OR1J2: variants seen among roughly 807,000 people sequenced by gnomAD.
The protein encoded by OR1J2 is olfactory receptor 1J2.
For synonymous variants in OR1J2, 142 were observed against 99.7 expected, an observed-to-expected ratio of 1.42 and a Z score of -2.52; for missense variants, 304 against 246.1, an observed-to-expected ratio of 1.24 and a Z score of -1.57.
At chr9:122,503,515 A>G in the OR1J2 span, among the ~76,000 whole-genome samples, 1 of 152,218 alleles carries the variant, frequency 6.6e-6, no homozygotes, top group Non-Finnish European at 1.5e-5. Context: ...TGTACACCAC[A>G]TTGGTGAAGG....
the OR1J2 span, among the ~76,000 whole-genome samples, chr9:122,484,567 A>G: frequency 6.6e-6 from 1 of 152,154 alleles, no homozygotes; most frequent in Middle Eastern, 3.2e-3. Context: ...CTCTTAGGCC[A>G]GGTAGTCAAA....
the OR1J2 span, among the ~76,000 whole-genome samples, chr9:122,577,458 G>GCAAA: frequency 6.6e-6 from 1 of 152,066 alleles, no homozygotes; most frequent in Non-Finnish European, 1.5e-5. Flanking sequence ...ATAAAAGAAG[G>GCAAA]CAAACACCTC....
chr9:122,536,326 T>C, the OR1J2 span, among the ~76,000 whole-genome samples: 6 of 152,226 alleles, frequency 3.9e-5, no homozygotes. Flanking sequence ...TTCAATGGCA[T>C]ATGACTTATC....
the OR1J2 span, among the ~76,000 whole-genome samples, chr9:122,575,375 A>T: frequency 6.6e-6 from 1 of 152,084 alleles, no homozygotes; most frequent in Non-Finnish European, 1.5e-5. Flanking sequence ...TTATAGATAC[A>T]GTTCTATCAA....
the OR1J2 span, among the ~76,000 whole-genome samples, chr9:122,555,740 T>C: frequency 6.6e-6 from 1 of 152,204 alleles, no homozygotes; most frequent in African/African-American, 2.4e-5. Flanking sequence ...TTTACTCTTT[T>C]AGAGCTGTTT....
At chr9:122,575,938 C>T in the OR1J2 span, among the ~76,000 whole-genome samples, 298 of 152,268 alleles carry the variant, frequency 2.0e-3, no homozygotes, top group Middle Eastern at 3.4e-3. Flanking sequence ...TTCTCTATCC[C>T]TGCATATTTC....
At chr9:122,518,946 G>A in the OR1J2 span, among the ~76,000 whole-genome samples, 4 of 152,110 alleles carry the variant, frequency 2.6e-5, no homozygotes, top group African/African-American at 9.7e-5. Context: ...CTACTCTCTT[G>A]GCGAATTATC....
chr9:122,485,957 TA>T, the OR1J2 span, among the ~76,000 whole-genome samples: 1 of 146,298 alleles, frequency 6.8e-6, no homozygotes, highest in Non-Finnish European at 1.5e-5. Flanking sequence ...TGTTCCCACA[TA>T]AGTTTTTTTT....
At chr9:122,463,353 A>G in the OR1J2 span, among the ~76,000 whole-genome samples, 1 of 151,890 alleles carries the variant, frequency 6.6e-6, no homozygotes, top group Non-Finnish European at 1.5e-5. Flanking sequence ...TGATTTCTTT[A>G]AGTTGGACTG....
the OR1J2 span, chr9:122,477,265 A>C: frequency 6.2e-7 from 1 of 1,614,094 alleles, no homozygotes; most frequent in Non-Finnish European, 8.5e-7. Context: ...GGTGACCCCA[A>C]TGTGACCATA....
At chr9:122,502,495 C>T in the OR1J2 span, among the ~76,000 whole-genome samples, 1 of 152,154 alleles carries the variant, frequency 6.6e-6, no homozygotes, top group Non-Finnish European at 1.5e-5. Context: ...ACCTTCATCT[C>T]TGAGGATGCT....
the OR1J2 span, among the ~76,000 whole-genome samples, chr9:122,563,365 C>T: frequency 0.58 from 88,373 of 151,964 alleles, 26,204 homozygotes; most frequent in East Asian, 0.97. Flanking sequence ...ATTAGTGATA[C>T]TGAGCATTTT....
chr9:122,500,984 G>A, the OR1J2 span, among the ~76,000 whole-genome samples: 1,408 of 152,268 alleles, frequency 9.2e-3, 23 homozygotes, highest in African/African-American at 0.032. Flanking sequence ...TCATTAAAAT[G>A]AGGTTTATGA....
At chr9:122,568,247 G>A in the OR1J2 span, 123 of 1,613,706 alleles carry the variant, frequency 7.6e-5, no homozygotes, top group Admixed American at 3.7e-4. Flanking sequence ...TGGGGACAAC[G>A]CTTGTTGTAA....
At chr9:122,553,958 G>A in the OR1J2 span, 41 of 1,613,560 alleles carry the variant, frequency 2.5e-5, no homozygotes, top group South Asian at 5.5e-5. Flanking sequence ...CTCATCTCAC[G>A]GTGGTTCTGC....
At chr9:122,523,012 C>T in the OR1J2 span, among the ~76,000 whole-genome samples, 2 of 152,296 alleles carry the variant, frequency 1.3e-5, no homozygotes, top group Non-Finnish European at 1.5e-5. Context: ...CTATATTTTA[C>T]AGCTGGGAAA....
At chr9:122,495,239 A>C in the OR1J2 span, among the ~76,000 whole-genome samples, 1 of 152,178 alleles carries the variant, frequency 6.6e-6, no homozygotes. Context: ...ATCTCTACCA[A>C]GGCTGGGGAA....
At chr9:122,543,383 T>G in the OR1J2 span, among the ~76,000 whole-genome samples, 7 of 152,158 alleles carry the variant, frequency 4.6e-5, no homozygotes, top group South Asian at 1.2e-3. Flanking sequence ...TTGTATTTTT[T>G]GTAGAGATGG....
chr9:122,484,707 A>G, the OR1J2 span, among the ~76,000 whole-genome samples: 4 of 152,118 alleles, frequency 2.6e-5, no homozygotes, highest in Non-Finnish European at 4.4e-5. Flanking sequence ...GCTATCCAAC[A>G]AGAGAAAAAG....
Sources: gnomAD v4.1 joint callset for allele counts (sites outside exome capture counted in the v4.1 genomes callset) on GRCh38, gnomAD v4.1.1 for gene constraint, MANE v1.5 for transcripts, NCBI Gene and HGNC (gene_info 2026-07-23, HGNC 2026-07-21) for gene names.